TBL1X: variants seen among roughly 807,000 people sequenced by gnomAD.
TBL1X encodes F-box-like/WD repeat-containing protein TBL1X.
TBL1X carries 10 observed loss-of-function variants against 50.7 expected under a neutral mutation model. The ratio of observed to expected loss-of-function variants is 0.20; its 90% confidence interval spans 0.12 to 0.33. The LOEUF is 0.33. TBL1X is among the 10% of genes least tolerant of loss of function. The pLI is 1.00. For missense variants in TBL1X, 340 were observed against 504.4 expected, an observed-to-expected ratio of 0.67 and a Z score of 3.12; for synonymous variants, 190 against 214.7, an observed-to-expected ratio of 0.88 and a Z score of 1.01.
chrX:9,510,092 T>C (rs1177067968), intron 2 of TBL1X, among the ~76,000 whole-genome samples: 1 of 111,010 alleles, frequency 9.0e-6, no homozygotes, highest in Non-Finnish European at 1.9e-5. Context: ...GTTTTACCTT[T>C]GGCAACATCT....
intron 2 of TBL1X, among the ~76,000 whole-genome samples, chrX:9,609,090 G>A (rs73632604): frequency 0.068 from 7,536 of 111,606 alleles, 237 homozygotes; most frequent in Middle Eastern, 0.13. Flanking sequence ...AAGGAAAACC[G>A]TCTTAAACGT....
intron 6 of TBL1X, 124 bp from the exon 7 acceptor site, chrX:9,687,893 T>G: frequency 1.8e-6 from 2 of 1,088,628 alleles, no homozygotes; most frequent in South Asian, 5.0e-5. Context: ...CGTGGCCCCC[T>G]GGTTGCTGGG....
intron 1 of TBL1X, among the ~76,000 whole-genome samples, chrX:9,487,565 C>T (rs1472788553): frequency 8.9e-6 from 1 of 112,134 alleles, no homozygotes; most frequent in Non-Finnish European, 1.9e-5. Flanking sequence ...ACAGGCTGCT[C>T]CTCCCTCCAA....
chrX:9,649,395 A>G (rs914685740), intron 3 of TBL1X, among the ~76,000 whole-genome samples: 11 of 112,247 alleles, frequency 9.8e-5, no homozygotes, highest in Non-Finnish European at 1.9e-4. Flanking sequence ...ATTGCAGGCC[A>G]TGGATAGTTT....
intron 2 of TBL1X, among the ~76,000 whole-genome samples, chrX:9,507,604 A>G (rs926021398): frequency 1.8e-5 from 2 of 112,270 alleles, no homozygotes; most frequent in Non-Finnish European, 3.8e-5. Context: ...TAAATTTCAT[A>G]TGGAATCAAA....
intron 2 of TBL1X, among the ~76,000 whole-genome samples, chrX:9,586,341 C>T (rs2082469755): frequency 8.9e-6 from 1 of 112,266 alleles, no homozygotes; most frequent in Non-Finnish European, 1.9e-5. Context: ...TCACATGCCG[C>T]AATTTTGTAT....
At chrX:9,586,790 C>T (rs1428887811) in intron 2 of TBL1X, among the ~76,000 whole-genome samples, 2 of 111,420 alleles carry the variant, frequency 1.8e-5, no homozygotes, top group Non-Finnish European at 3.8e-5. Context: ...GTCCCAGCTA[C>T]TTGAGAGGCT....
chrX:9,669,191 A>G (rs1187803223), intron 5 of TBL1X, among the ~76,000 whole-genome samples: 1 of 111,294 alleles, frequency 9.0e-6, no homozygotes, highest in Admixed American at 9.6e-5. Context: ...AAATGCTACT[A>G]CCTTGTTCCT....
At chrX:9,576,207 G>A (rs1255843079) in intron 2 of TBL1X, among the ~76,000 whole-genome samples, 2 of 112,355 alleles carry the variant, frequency 1.8e-5, no homozygotes, top group East Asian at 5.6e-4. Flanking sequence ...TTGACTGTTA[G>A]CGAAGTGGGT....
At chrX:9,713,530 C>T (rs1601859040) in intron 16 of TBL1X, among the ~76,000 whole-genome samples, 2 of 101,188 alleles carry the variant, frequency 2.0e-5, no homozygotes, top group South Asian at 4.6e-4. Flanking sequence ...CGGGTTTGAG[C>T]GATTCTCCTG....
rs35239133 is a variant in TBL1X at position 9,589,812 on chromosome X, C to A, written c.-130-50461C>A. The stretch of plus-strand genomic sequence containing the variant: ...CTAGCATAGGCACAAAGCGTCTCCT[C>A]TAAGACATTTGTTAATTACAAAAGG... On this transcript the variant is annotated intron_variant, in intron 2 of 17. Transcript: ENST00000645353. 3.6e-5 allele frequency among the ~76,000 whole-genome samples: 4 copies of A among 111,678 alleles called. No individual in the cohort carries two copies. The South Asian group carries it at 1.5e-3, about 42-fold the overall frequency.
chrX:9,476,837 C>A (rs1344157075), intron 1 of TBL1X, among the ~76,000 whole-genome samples: 1 of 112,162 alleles, frequency 8.9e-6, no homozygotes, highest in African/African-American at 3.2e-5. Flanking sequence ...AAATAAAAAT[C>A]AAATCAATTT....
At chrX:9,494,903 C>T (rs975411650) in intron 1 of TBL1X, among the ~76,000 whole-genome samples, 2 of 112,066 alleles carry the variant, frequency 1.8e-5, no homozygotes, top group Non-Finnish European at 3.8e-5. Flanking sequence ...GAGGAGTTGA[C>T]ATGCTGTTTC....
intron 2 of TBL1X, among the ~76,000 whole-genome samples, chrX:9,581,387 C>G (rs1241085076): frequency 1.8e-5 from 2 of 111,867 alleles, no homozygotes; most frequent in Non-Finnish European, 3.8e-5. Context: ...CACCGTGCCC[C>G]CTGTGTAGCA....
chrX:9,545,521 G>T (rs2082237807), intron 2 of TBL1X, among the ~76,000 whole-genome samples: 2 of 107,592 alleles, frequency 1.9e-5, no homozygotes, highest in Non-Finnish European at 3.8e-5. Flanking sequence ...CTCCATCCTG[G>T]GTGACAAAGC....
chrX:9,599,198 A>G (rs2082542198), intron 2 of TBL1X, among the ~76,000 whole-genome samples: 2 of 109,353 alleles, frequency 1.8e-5, no homozygotes, highest in Non-Finnish European at 3.8e-5. Context: ...CCCACCTCAG[A>G]CTCCCAAAGT....
chrX:9,667,263 C>G (rs964670476), intron 5 of TBL1X, among the ~76,000 whole-genome samples: 15 of 111,510 alleles, frequency 1.3e-4, no homozygotes, highest in South Asian at 3.8e-4. Flanking sequence ...TCCGTTCCCC[C>G]CTACCCCCAA....
intron 2 of TBL1X, among the ~76,000 whole-genome samples, chrX:9,515,297 T>C (rs1348052556): frequency 8.9e-6 from 1 of 112,322 alleles, no homozygotes; most frequent in African/African-American, 3.2e-5. Context: ...GAATTCCTTC[T>C]TCTGATCTGC....
At chrX:9,619,622 G>A (rs2082656659) in intron 2 of TBL1X, among the ~76,000 whole-genome samples, 1 of 112,603 alleles carries the variant, frequency 8.9e-6, no homozygotes, top group Non-Finnish European at 1.9e-5. Context: ...GTGACCCTGT[G>A]TGTACTCGTA....
Sources: allele counts gnomAD v4.1 joint callset (sites outside exome capture counted in the v4.1 genomes callset), GRCh38; gene constraint gnomAD v4.1.1; transcripts MANE v1.5; gene names NCBI Gene and HGNC (gene_info 2026-07-23, HGNC 2026-07-21).